MYO1D: variants seen among roughly 807,000 people sequenced by gnomAD.
The protein encoded by MYO1D is myosin ID.
A neutral mutation model predicts 122.0 loss-of-function variants in MYO1D; 83 were observed. The observed-to-expected ratio is 0.68, with a 90% CI of 0.57 to 0.82. The LOEUF is 0.82. MYO1D is among the 40% of genes least tolerant of loss of function. The probability of loss-of-function intolerance (pLI) is 0.00; values close to 1 mark genes in which losing one functional copy is unlikely to be tolerated. For synonymous variants in MYO1D, 464 were observed against 446.9 expected, an observed-to-expected ratio of 1.04 and a Z score of -0.48; for missense variants, 1,157 against 1,269.5, an observed-to-expected ratio of 0.91 and a Z score of 1.35.
intron 16 of MYO1D, among the ~76,000 whole-genome samples, chr17:32,678,186 T>C (rs1445270158): frequency 1.3e-5 from 2 of 152,168 alleles, no homozygotes; most frequent in African/African-American, 4.8e-5. Context: ...CCTTCATATC[T>C]ATAGGTCCCA....
At chr17:32,689,901 T>C (rs541396945) in intron 16 of MYO1D, among the ~76,000 whole-genome samples, 1 of 151,846 alleles carries the variant, frequency 6.6e-6, no homozygotes, top group Admixed American at 6.6e-5. Context: ...AATTTTTGTA[T>C]TTTTAGTAGA....
intron 16 of MYO1D, among the ~76,000 whole-genome samples, chr17:32,687,723 T>C (rs918128007): frequency 6.6e-6 from 1 of 152,240 alleles, no homozygotes; most frequent in Non-Finnish European, 1.5e-5. Context: ...TGCACATAAA[T>C]AGCTCTTATA....
At chr17:32,841,886 G>A (rs1055415705) in intron 1 of MYO1D, among the ~76,000 whole-genome samples, 11 of 152,258 alleles carry the variant, frequency 7.2e-5, no homozygotes, top group Admixed American at 5.9e-4. Flanking sequence ...GGTGATGCAG[G>A]AGACAGGGAG....
intron 1 of MYO1D, among the ~76,000 whole-genome samples, chr17:32,821,669 C>G (rs934291333): frequency 6.6e-6 from 1 of 151,958 alleles, no homozygotes; most frequent in Non-Finnish European, 1.5e-5. Context: ...AATTCAAACT[C>G]GTCCATACTA....
intron 21 of MYO1D, among the ~76,000 whole-genome samples, chr17:32,578,333 G>A (rs967719936): frequency 6.6e-6 from 1 of 152,206 alleles, no homozygotes; most frequent in Non-Finnish European, 1.5e-5. Flanking sequence ...ATAAGGTTAG[G>A]AAACTATACC....
chr17:32,771,672 T>C (rs1037878243), intron 5 of MYO1D, among the ~76,000 whole-genome samples: 2 of 152,222 alleles, frequency 1.3e-5, no homozygotes, highest in African/African-American at 4.8e-5. Context: ...CAAACAGCTT[T>C]TCCTCATCAA....
At chr17:32,581,629 G>A (rs2087341017) in intron 21 of MYO1D, among the ~76,000 whole-genome samples, 1 of 151,244 alleles carries the variant, frequency 6.6e-6, no homozygotes, top group South Asian at 2.1e-4. Flanking sequence ...CTAGAGTGCA[G>A]TGGCTCAATC....
At chr17:32,860,606 G>T (rs1207144208) in intron 1 of MYO1D, among the ~76,000 whole-genome samples, 1 of 152,164 alleles carries the variant, frequency 6.6e-6, no homozygotes, top group Non-Finnish European at 1.5e-5. Context: ...GTTTCAACTA[G>T]TTCAGGTCTT....
chr17:32,744,557 T>C lies in MYO1D; in HGVS notation c.1613+654A>G, dbSNP rs117056243. On this transcript the variant is annotated intron_variant, in intron 13 of 21. Coordinates refer to ENST00000318217, the MANE Select transcript of MYO1D (RefSeq NM_015194.3). ...TCAAAGGTACTCAATACATTTTTGA[T>C]AATCTACTGAGCACTGACTAAGCAG... is the stretch of plus-strand genomic sequence containing the variant. Among the ~76,000 whole-genome samples, 673 of 152,324 alleles carry C rather than the reference T, an allele frequency of 4.4e-3. 19 individuals are homozygous for C. Among genetic ancestry groups the C allele is most frequent in the East Asian group, 0.033 (169 of 5,184 alleles).
chr17:32,560,895 G>C (rs532899023), intron 21 of MYO1D, among the ~76,000 whole-genome samples: 3 of 150,876 alleles, frequency 2.0e-5, no homozygotes, highest in Non-Finnish European at 4.4e-5. Context: ...GAGGATTACA[G>C]GCATGAGCCA....
intron 1 of MYO1D, among the ~76,000 whole-genome samples, chr17:32,799,902 A>G (rs992728779): frequency 6.6e-6 from 1 of 152,222 alleles, no homozygotes; most frequent in Non-Finnish European, 1.5e-5. Context: ...TTGAATTGAT[A>G]TTTCTCAAGA....
chr17:32,839,298 T>G (rs1477533749), intron 1 of MYO1D, among the ~76,000 whole-genome samples: 1 of 152,178 alleles, frequency 6.6e-6, no homozygotes, highest in Non-Finnish European at 1.5e-5. Context: ...AACCTTATTT[T>G]TCCAAGAGCC....
intron 16 of MYO1D, among the ~76,000 whole-genome samples, chr17:32,669,039 G>A (rs187818791): frequency 1.3e-5 from 2 of 152,070 alleles, no homozygotes; most frequent in African/African-American, 4.8e-5. Context: ...TCCTTTAACA[G>A]AATTGAAAAA....
chr17:32,538,971 A>C (rs1285353576), intron 21 of MYO1D, among the ~76,000 whole-genome samples: 1 of 152,062 alleles, frequency 6.6e-6, no homozygotes, highest in Non-Finnish European at 1.5e-5. Flanking sequence ...TGGGGGAGAG[A>C]GAGAGAGTCA....
At position 32,775,941 on chromosome 17, in the gene MYO1D, C is replaced by T; in HGVS notation, c.487G>A (p.Gly163Arg). 1 of 1,613,870 alleles carries T rather than the reference C, an allele frequency of 6.2e-7. No individual in the cohort carries two copies. The highest frequency in any genetic ancestry group is 2.2e-5 in the East Asian group (1 of 44,824). Reference sequence around the variant, plus strand: ...TCAAAGTTGATATCCATGTATTTTCCAAACCTGCTTGAGTTGTCATTACGG... The same window carrying T: ...TCAAAGTTGATATCCATGTATTTTCTAAACCTGCTTGAGTTGTCATTACGG... ...TNRNDNSSRFGKYMDINFDFK... is the reference protein window; with the variant it reads ...TNRNDNSSRFRKYMDINFDFK... Residue 163 changes from glycine (G) to arginine (R), a missense_variant, in exon 4 of 22, where the codon GGA (glycine) becomes AGA (arginine). Physicochemically the swap from Gly to Arg is moderately radical, Grantham distance 125. Transcript: ENST00000318217.
intron 5 of MYO1D, 94 bp from the exon 6 acceptor site, chr17:32,771,314 T>G (rs558237585): frequency 3.7e-6 from 3 of 813,250 alleles, no homozygotes; most frequent in Non-Finnish European, 5.8e-6. Context: ...TTTTCTGGGC[T>G]TAATTCACTT....
chr17:32,698,304 C>T (rs1247024120), intron 16 of MYO1D, among the ~76,000 whole-genome samples: 2 of 114,348 alleles, frequency 1.7e-5, no homozygotes, highest in Non-Finnish European at 3.7e-5. Flanking sequence ...CCCCCTCTCC[C>T]TCCCCCTTCC....
intron 21 of MYO1D, among the ~76,000 whole-genome samples, chr17:32,579,210 G>A (rs777723894): frequency 1.3e-5 from 2 of 152,026 alleles, no homozygotes; most frequent in Non-Finnish European, 2.9e-5. Context: ...TGGGACTACA[G>A]GTGTGTGCCA....
At chr17:32,827,127 G>A (rs933338494) in intron 1 of MYO1D, among the ~76,000 whole-genome samples, 21 of 152,126 alleles carry the variant, frequency 1.4e-4, no homozygotes, top group African/African-American at 5.1e-4. Flanking sequence ...GCCAAAAAGT[G>A]GAAACACCCC....
Sources: allele counts gnomAD v4.1 joint callset (sites outside exome capture counted in the v4.1 genomes callset), GRCh38; gene constraint gnomAD v4.1.1; transcripts MANE v1.5; gene names NCBI Gene and HGNC (gene_info 2026-07-23, HGNC 2026-07-21).